DCAF6: variants seen among roughly 807,000 people sequenced by gnomAD.
DCAF6 encodes DDB1- and CUL4-associated factor 6.
A neutral mutation model predicts 125.1 loss-of-function variants in DCAF6; 54 were observed. The ratio of observed to expected loss-of-function variants is 0.43; its 90% CI spans 0.35 to 0.54. DCAF6 has a LOEUF of 0.54. Ranked by LOEUF, DCAF6 falls within the 20% of genes least tolerant of loss-of-function variation. DCAF6 has a pLI of 0.01. For synonymous variants in DCAF6, 371 were observed against 390.4 expected, an observed-to-expected ratio of 0.95 and a Z score of 0.58; for missense variants, 934 against 1,161.7, an observed-to-expected ratio of 0.80 and a Z score of 2.85.
At chr1:167,965,625 C>T (rs961075974) in intron 2 of DCAF6, among the ~76,000 whole-genome samples, 2 of 151,998 alleles carry the variant, frequency 1.3e-5, no homozygotes, top group Non-Finnish European at 2.9e-5. Flanking sequence ...GACTGGGTTC[C>T]CTGGAGTTTT....
At chr1:167,940,100 T>C (rs1004915086) in intron 1 of DCAF6, among the ~76,000 whole-genome samples, 3 of 152,200 alleles carry the variant, frequency 2.0e-5, no homozygotes, top group Admixed American at 1.3e-4. Flanking sequence ...AGCTTTGTAA[T>C]TGATTTTACT....
chr1:167,880,956 C>T, the DCAF6 span, among the ~76,000 whole-genome samples: 1 of 152,138 alleles, frequency 6.6e-6, no homozygotes, highest in Non-Finnish European at 1.5e-5. Context: ...GAAAAGGCAC[C>T]AGCTCTGGAA....
At chr1:167,992,949 A>G (rs1681079170) in intron 6 of DCAF6, among the ~76,000 whole-genome samples, 1 of 152,136 alleles carries the variant, frequency 6.6e-6, no homozygotes, top group Non-Finnish European at 1.5e-5. Context: ...TTTATAAATC[A>G]TTTTCCTTGA....
the DCAF6 span, chr1:167,917,811 A>C: frequency 6.6e-6 from 1 of 152,252 alleles, no homozygotes; most frequent in Non-Finnish European, 1.5e-5. Context: ...CTGTAAAAGA[A>C]TTTTATACAA....
chr1:167,900,244 C>T, the DCAF6 span, among the ~76,000 whole-genome samples: 1 of 152,272 alleles, frequency 6.6e-6, no homozygotes, highest in African/African-American at 2.4e-5. Flanking sequence ...GTAATACAAT[C>T]AATGTTTATT....
chr1:167,967,714 CTTTTTT>C (rs552208317), intron 3 of DCAF6, among the ~76,000 whole-genome samples: 425 of 74,592 alleles, frequency 5.7e-3, no homozygotes, highest in African/African-American at 0.02. Context: ...TTTCCTGTAT[CTTTTTT>C]TTTTTTTTTT....
chr1:167,951,600 G>A (rs970683266), intron 1 of DCAF6, among the ~76,000 whole-genome samples, 200 bp from the exon 2 acceptor site: 3 of 152,014 alleles, frequency 2.0e-5, no homozygotes, highest in Non-Finnish European at 2.9e-5. Context: ...AAAAAACTGC[G>A]TGAGGTAGAG....
intron 2 of DCAF6, among the ~76,000 whole-genome samples, chr1:167,960,290 ATTAT>A (rs781445000): frequency 6.6e-6 from 1 of 151,344 alleles, no homozygotes; most frequent in African/African-American, 2.4e-5. Context: ...AATTTTTATT[ATTAT>A]TTATTTATTT....
At chr1:167,904,006 C>T in the DCAF6 span, 7 of 1,585,208 alleles carry the variant, frequency 4.4e-6, no homozygotes, top group Non-Finnish European at 6.1e-6. Context: ...AATAAATGTG[C>T]AGCTGGTTTC....
chr1:168,005,969 A>T (rs1683275072), intron 10 of DCAF6, among the ~76,000 whole-genome samples: 1 of 152,126 alleles, frequency 6.6e-6, no homozygotes, highest in Admixed American at 6.5e-5. Flanking sequence ...TTAAAAGCAG[A>T]AGTAGTTAAA....
chr1:167,904,944 G>T, the DCAF6 span: 10 of 1,613,392 alleles, frequency 6.2e-6, no homozygotes, highest in East Asian at 2.2e-4. Context: ...GAATTCCCAC[G>T]CGAGCCTGTT....
At chr1:167,901,238 C>T in the DCAF6 span, among the ~76,000 whole-genome samples, 31 of 152,146 alleles carry the variant, frequency 2.0e-4, no homozygotes, top group African/African-American at 7.0e-4. Flanking sequence ...GCTTTTCCTA[C>T]ACCTCATTCT....
chr1:168,004,920 T>C, intron 10 of DCAF6, 127 bp downstream of exon 10: 1 of 1,084,682 alleles, frequency 9.2e-7, no homozygotes, highest in Non-Finnish European at 1.3e-6. Flanking sequence ...TGACATGTAA[T>C]ATATGGTTAT....
chr1:168,031,735 G>T (rs1019368845), intron 12 of DCAF6, among the ~76,000 whole-genome samples: 1 of 151,996 alleles, frequency 6.6e-6, no homozygotes, highest in Non-Finnish European at 1.5e-5. Flanking sequence ...TATACCTGAG[G>T]AAACAGTCAT....
At chr1:168,035,279 C>T (rs1160828678) in intron 12 of DCAF6, among the ~76,000 whole-genome samples, 1 of 152,140 alleles carries the variant, frequency 6.6e-6, no homozygotes, top group African/African-American at 2.4e-5. Flanking sequence ...AACCCTGTTT[C>T]TACAAAAGTT....
At chr1:168,014,507 TC>T (rs1220329463) in intron 10 of DCAF6, among the ~76,000 whole-genome samples, 1 of 152,204 alleles carries the variant, frequency 6.6e-6, no homozygotes, top group Non-Finnish European at 1.5e-5. Flanking sequence ...TAAAATGACA[TC>T]CAAATTTATA....
At chr1:167,984,624 C>T (rs559274711) in intron 4 of DCAF6, among the ~76,000 whole-genome samples, 3 of 151,930 alleles carry the variant, frequency 2.0e-5, no homozygotes, top group Non-Finnish European at 2.9e-5. Flanking sequence ...AAGTAAACTG[C>T]TGACTTGATT....
intron 17 of DCAF6, among the ~76,000 whole-genome samples, chr1:168,054,647 C>T (rs1158221438): frequency 1.3e-5 from 2 of 152,202 alleles, no homozygotes; most frequent in East Asian, 3.9e-4. Context: ...AATTGGACTG[C>T]AAACATTTTA....
At chr1:168,020,216 T>C (rs544321589) in intron 11 of DCAF6, among the ~76,000 whole-genome samples, 7 of 152,302 alleles carry the variant, frequency 4.6e-5, no homozygotes, top group East Asian at 1.9e-4. Flanking sequence ...GTAGTAGATA[T>C]TGTGATTATC....
Sources: gnomAD v4.1 joint callset for allele counts (sites outside exome capture counted in the v4.1 genomes callset) on GRCh38, gnomAD v4.1.1 for gene constraint, MANE v1.5 for transcripts, NCBI Gene and HGNC (gene_info 2026-07-23, HGNC 2026-07-21) for gene names.